The following LRRTM4 variants were observed in gnomAD, a reference collection of about 807,000 sequenced individuals.
LRRTM4 encodes leucine rich repeat transmembrane neuronal 4.
In LRRTM4, 25 loss-of-function variants were observed where a neutral mutation model predicts 47.6. That is an observed-to-expected ratio of 0.53 (90% CI 0.38 to 0.73). The LOEUF is 0.73. Among genes scored for constraint, LRRTM4 ranks in the 30% least tolerant of loss-of-function variants. The pLI, the probability that LRRTM4 is intolerant of heterozygous loss-of-function variation, is 0.00. For synonymous variants in LRRTM4, 311 were observed against 269.5 expected, an observed-to-expected ratio of 1.15 and a Z score of -1.51; for missense variants, 638 against 713.4, an observed-to-expected ratio of 0.89 and a Z score of 1.20.
intron 3 of LRRTM4, among the ~76,000 whole-genome samples, chr2:77,191,207 C>G (rs1278610030): frequency 2.0e-5 from 3 of 151,760 alleles, no homozygotes; most frequent in African/African-American, 7.3e-5. Context: ...ATGAGTAATA[C>G]CAGTTTAAAT....
intron 3 of LRRTM4, among the ~76,000 whole-genome samples, chr2:77,247,515 T>G (rs1035603209): frequency 6.6e-6 from 1 of 152,152 alleles, no homozygotes; most frequent in Non-Finnish European, 1.5e-5. Flanking sequence ...CTTTATACCT[T>G]GCACTCAGAA....
intron 3 of LRRTM4, among the ~76,000 whole-genome samples, chr2:77,482,318 C>T (rs1055967641): frequency 3.9e-5 from 6 of 152,064 alleles, no homozygotes; most frequent in African/African-American, 1.4e-4. Context: ...AAATTGAATA[C>T]CCTACATGAG....
At chr2:77,006,910 G>T (rs1018670675) in intron 3 of LRRTM4, among the ~76,000 whole-genome samples, 2 of 152,094 alleles carry the variant, frequency 1.3e-5, no homozygotes, top group African/African-American at 4.8e-5. Context: ...TGTACCAAAT[G>T]TGTCTCTAGC....
chr2:77,385,615 A>T lies in LRRTM4; in HGVS notation c.1551+132703T>A, dbSNP rs554973208. On this transcript the variant is annotated intron_variant, in intron 3 of 3. Transcript: ENST00000409884. ...TAAAATGATCAAAAAATCACTTTAA[A>T]GCATCCTTTAGAATTGTATTAATCT... 5.9e-5 allele frequency among the ~76,000 whole-genome samples: 9 copies of T among 152,246 alleles called. No homozygotes were observed. The South Asian group carries it at 1.2e-3, about 21-fold the overall frequency.
At chr2:77,468,300 T>A (rs1350006204) in intron 3 of LRRTM4, among the ~76,000 whole-genome samples, 1 of 152,222 alleles carries the variant, frequency 6.6e-6, no homozygotes, top group Non-Finnish European at 1.5e-5. Flanking sequence ...TAATTTTCAA[T>A]ATAAGCACAG....
chr2:77,510,738 T>C (rs1240339937), intron 3 of LRRTM4, among the ~76,000 whole-genome samples: 1 of 152,020 alleles, frequency 6.6e-6, no homozygotes, highest in Admixed American at 6.6e-5. Context: ...CATCCATGTT[T>C]ATCTTAGTTT....
At chr2:77,246,033 T>C (rs1675437194) in intron 3 of LRRTM4, among the ~76,000 whole-genome samples, 1 of 152,216 alleles carries the variant, frequency 6.6e-6, no homozygotes, top group Admixed American at 6.5e-5. Flanking sequence ...CTGAGTTACT[T>C]ATCTTCTCTG....
chr2:76,955,512 A>G lies in LRRTM4; in HGVS notation c.1552-206596T>C, dbSNP rs528849022. ...AAAGTATGTCACTACTAAGAATTCA[A>G]TAAAACAGAAAAGAAGCAAGAGGAG... On this transcript the variant is annotated intron_variant, in intron 3 of 3. Transcript: ENST00000409884. 5.8e-4 allele frequency among the ~76,000 whole-genome samples: 88 copies of G among 151,936 alleles called. 1 individual carries two copies. Among genetic ancestry groups the G allele is most frequent in the Middle Eastern group, 3.4e-3 (1 of 294 alleles).
intron 3 of LRRTM4, among the ~76,000 whole-genome samples, chr2:77,441,924 C>A (rs1438090392): frequency 6.6e-6 from 1 of 152,002 alleles, no homozygotes; most frequent in African/African-American, 2.4e-5. Flanking sequence ...AATTTTCTGC[C>A]AAATATAAAT....
chr2:77,067,983 G>A (rs1394737192), intron 3 of LRRTM4, among the ~76,000 whole-genome samples: 1 of 151,938 alleles, frequency 6.6e-6, no homozygotes, highest in Non-Finnish European at 1.5e-5. Context: ...CTATTGCCTT[G>A]CATACTATCA....
At chr2:77,313,575 G>A (rs1677534839) in intron 3 of LRRTM4, among the ~76,000 whole-genome samples, 1 of 152,078 alleles carries the variant, frequency 6.6e-6, no homozygotes, top group African/African-American at 2.4e-5. Flanking sequence ...CTTCATCCCA[G>A]CACCCCTGAG....
At chr2:76,904,319 C>T (rs932938200) in intron 3 of LRRTM4, among the ~76,000 whole-genome samples, 3 of 152,176 alleles carry the variant, frequency 2.0e-5, no homozygotes, top group African/African-American at 7.2e-5. Context: ...ACAACCTTTA[C>T]TGACCACACC....
At chr2:76,980,955 G>C (rs765827499) in intron 3 of LRRTM4, among the ~76,000 whole-genome samples, 2 of 151,992 alleles carry the variant, frequency 1.3e-5, no homozygotes, top group Non-Finnish European at 2.9e-5. Flanking sequence ...TATCTACCTG[G>C]TTAACACAAT....
chr2:77,045,536 G>A (rs1355134684), intron 3 of LRRTM4, among the ~76,000 whole-genome samples: 1 of 151,870 alleles, frequency 6.6e-6, no homozygotes, highest in Non-Finnish European at 1.5e-5. Flanking sequence ...TTGTGGGAGG[G>A]ACCCAGTGGG....
At chr2:76,874,094 G>A (rs1183774086) in intron 3 of LRRTM4, among the ~76,000 whole-genome samples, 1 of 151,442 alleles carries the variant, frequency 6.6e-6, no homozygotes, top group African/African-American at 2.4e-5. Flanking sequence ...CAGATCACAC[G>A]GTAAAGGTAA....
chr2:76,798,826 T>G (rs6709453), intron 3 of LRRTM4, among the ~76,000 whole-genome samples: 3,349 of 152,156 alleles, frequency 0.022, 129 homozygotes, highest in African/African-American at 0.069. Context: ...CAAACACCTC[T>G]ACGCAAATAA....
intron 3 of LRRTM4, among the ~76,000 whole-genome samples, chr2:77,463,302 T>A (rs185132370): frequency 1.3e-5 from 2 of 152,100 alleles, no homozygotes; most frequent in Non-Finnish European, 2.9e-5. Context: ...TGGACCATCA[T>A]TGATGAAAGC....
chr2:76,797,389 G>T (rs1385517604), intron 3 of LRRTM4, among the ~76,000 whole-genome samples: 1 of 151,682 alleles, frequency 6.6e-6, no homozygotes, highest in Non-Finnish European at 1.5e-5. Context: ...AATGAGAAAT[G>T]AAATACTTTA....
intron 3 of LRRTM4, among the ~76,000 whole-genome samples, chr2:76,767,632 C>T (rs1365419068): frequency 6.6e-6 from 1 of 152,190 alleles, no homozygotes. Flanking sequence ...TTCAGGGTAG[C>T]ATTCAAGGCA....
Sources: allele counts gnomAD v4.1 joint callset (sites outside exome capture counted in the v4.1 genomes callset), GRCh38; gene constraint gnomAD v4.1.1; transcripts MANE v1.5; gene names NCBI Gene and HGNC (gene_info 2026-07-23, HGNC 2026-07-21).